The following ARHGEF18 variants were observed in gnomAD, a reference collection of about 807,000 sequenced individuals.
ARHGEF18 encodes rho guanine nucleotide exchange factor 18.
Under a neutral mutation model 155.7 loss-of-function variants are expected in ARHGEF18, and 93 were observed. That is an observed-to-expected ratio of 0.60 (90% CI 0.50 to 0.71). ARHGEF18 has a LOEUF of 0.71. ARHGEF18 is among the 30% of genes least tolerant of loss of function. The probability of loss-of-function intolerance (pLI) is 0.00; values close to 1 mark genes in which losing one functional copy is unlikely to be tolerated. For synonymous variants in ARHGEF18, 742 were observed against 753.1 expected (o/e 0.99, Z 0.24); for missense variants, 1,593 against 1,816.1 (o/e 0.88, Z 2.23).
chr19:7,418,934 G>C lies in ARHGEF18; in HGVS notation c.968-21410G>C, dbSNP rs374231996. On this transcript the variant is annotated intron_variant, in intron 10 of 28. Transcript: ENST00000668164. The stretch of plus-strand genomic sequence containing the variant: ...TCAGTAAGCACCAGGGAATGGAAGG[G>C]CCTCTCCCTTCATTTCTGCATTGCA... Among the ~76,000 whole-genome samples, 8 of 152,016 alleles carry C rather than the reference G, an allele frequency of 5.3e-5. No homozygotes were observed. The East Asian group carries it at 1.4e-3, about 26-fold the overall frequency.
intron 10 of ARHGEF18, among the ~76,000 whole-genome samples, chr19:7,427,553 G>A (rs907746082): frequency 4.6e-5 from 7 of 151,876 alleles, no homozygotes; most frequent in Middle Eastern, 6.8e-3. Context: ...GTTGAGGTGG[G>A]AGGATCACTG....
intron 1 of ARHGEF18, among the ~76,000 whole-genome samples, chr19:7,358,920 A>G (rs1467691674): frequency 3.3e-5 from 5 of 152,208 alleles, no homozygotes; most frequent in Non-Finnish European, 4.4e-5. Flanking sequence ...AGTGGATCAG[A>G]TATAGTCACT....
rs554632893 is a variant in ARHGEF18 at position 7,429,448 on chromosome 19, C to G, written c.968-10896C>G. ...TGAAACCTCATCTCTACTAAAAATA[C>G]CAAAATTACCTAGGTGTGGTGGCAG... is the stretch of plus-strand genomic sequence containing the variant. On this transcript the variant is annotated intron_variant, in intron 10 of 28. Coordinates refer to ENST00000668164, the MANE Select transcript of ARHGEF18 (RefSeq NM_001367823.1). Among the ~76,000 whole-genome samples the G allele has an allele frequency of 2.0e-5, 3 of 152,028 alleles. No individual in the cohort carries two copies. The South Asian group carries it at 6.2e-4, about 32-fold the overall frequency.
chr19:7,415,576 A>ACCTCCTGGAATAAGACATTC (rs1972957209), intron 10 of ARHGEF18, among the ~76,000 whole-genome samples: 1 of 151,586 alleles, frequency 6.6e-6, no homozygotes, highest in Non-Finnish European at 1.5e-5. Context: ...CCATGGCAGA[A>ACCTCCTGGAATAAGACATTC]CCTCCTGGAA....
intron 1 of ARHGEF18, among the ~76,000 whole-genome samples, chr19:7,356,020 G>T (rs1969287536): frequency 6.6e-6 from 1 of 152,084 alleles, no homozygotes; most frequent in South Asian, 2.1e-4. Flanking sequence ...TCTCCTGGGG[G>T]TCCCAGATGC....
intron 10 of ARHGEF18, among the ~76,000 whole-genome samples, chr19:7,400,152 G>A (rs1971957489): frequency 2.0e-5 from 3 of 152,094 alleles, no homozygotes; most frequent in Admixed American, 2.0e-4. Context: ...ACACATTGTG[G>A]ATGGTGGATG....
chr19:7,470,255 G>A lies in ARHGEF18; in HGVS notation c.4043G>A (p.Ser1348Asn). ...TCGCCACTGCCGGCCACACCACTCA[G>A]CGCCAAGGAGGACGCCAGCAAAGAA... The part of the protein sequence containing the change: ...APSPLPATPL[S>N]AKEDASKEDV... Residue 1348 changes from serine (S) to asparagine (N), a missense_variant, in exon 29 of 29, where the codon AGC becomes AAC. By Grantham distance (46) the Ser-to-Asn change is conservative. Transcript: ENST00000668164. This position sits in a 1 kb window ranked among gnomAD's most constrained non-coding sequence, Gnocchi z 5.9. 6.3e-7 allele frequency: 1 copy of A among 1,577,700 alleles called. No homozygotes were observed. The highest frequency in any genetic ancestry group is 8.6e-7 in the Non-Finnish European group (1 of 1,164,588).
At chr19:7,452,518 T>C (rs1975550839) in intron 16 of ARHGEF18, among the ~76,000 whole-genome samples, 2 of 151,972 alleles carry the variant, frequency 1.3e-5, no homozygotes, top group South Asian at 4.2e-4. Flanking sequence ...CAGGCTAGAG[T>C]ACAGTGGCAT....
intron 10 of ARHGEF18, among the ~76,000 whole-genome samples, chr19:7,425,366 A>G (rs1266831540): frequency 6.6e-6 from 1 of 152,198 alleles, no homozygotes; most frequent in Non-Finnish European, 1.5e-5. Flanking sequence ...CCCCACAAAA[A>G]AAACAAACTT....
intron 1 of ARHGEF18, among the ~76,000 whole-genome samples, chr19:7,350,516 G>A (rs548639478): frequency 1.3e-5 from 2 of 152,264 alleles, no homozygotes; most frequent in East Asian, 3.9e-4. Context: ...CCAGTAGATG[G>A]CAACTGCAAA....
intron 23 of ARHGEF18, among the ~76,000 whole-genome samples, chr19:7,465,603 C>T (rs1008351051): frequency 1.3e-5 from 2 of 151,814 alleles, no homozygotes; most frequent in Admixed American, 1.3e-4. Flanking sequence ...GATACAGGGT[C>T]TCACTATGTT....
At chr19:7,414,647 A>G (rs1972890348) in intron 10 of ARHGEF18, among the ~76,000 whole-genome samples, 1 of 151,720 alleles carries the variant, frequency 6.6e-6, no homozygotes, top group Non-Finnish European at 1.5e-5. Flanking sequence ...CGTCTCTACT[A>G]AAAATACAAA....
chr19:7,382,701 C>A, intron 8 of ARHGEF18, 91 bp from the exon 9 acceptor site: 2 of 873,600 alleles, frequency 2.3e-6, no homozygotes, highest in African/African-American at 1.7e-5. Context: ...CACAGGGAGA[C>A]AGGTTGCAGG....
At position 7,451,222 on chromosome 19, in the gene ARHGEF18, C is replaced by G. The variant is rs1405829865; in HGVS notation, c.1811C>G (p.Thr604Ser). ...ECILLVTQRI[T>S]KYPVLVERII... ...ATTCTCCTGGTTACACAACGCATAACCAAATACCCAGTGCTGGTGGAGCGC... is the reference window on the plus strand; with the variant it reads ...ATTCTCCTGGTTACACAACGCATAAGCAAATACCCAGTGCTGGTGGAGCGC... Residue 604 changes from threonine (T) to serine (S), a missense_variant, in exon 16 of 29, where the codon ACC becomes AGC. By Grantham distance (58) the Thr-to-Ser change is moderately conservative (BLOSUM62 1). Transcript: ENST00000668164. 1.2e-6 allele frequency: 2 copies of G among 1,602,922 alleles called. No individual in the cohort carries two copies. The highest frequency in any genetic ancestry group is 2.2e-5 in the East Asian group (1 of 44,472).
At chr19:7,451,022 T>TCTTGCTTTCCATTTCCCAGATGTTAATGC (rs1975409519) in intron 15 of ARHGEF18, 127 bp from the exon 16 acceptor site, 1 of 455,502 alleles carries the variant, frequency 2.2e-6, no homozygotes, top group African/African-American at 8.8e-5. Context: ...GATGTTAATA[T>TCTTGCTTTCCATTTCCCAGATGTTAATGC]GGGATCTTGC....
chr19:7,353,592 AAAAAAAAAAAGAAAAAGAAAAG>A (rs1291459111), intron 1 of ARHGEF18, among the ~76,000 whole-genome samples: 3 of 141,676 alleles, frequency 2.1e-5, no homozygotes, highest in Non-Finnish European at 4.5e-5. Flanking sequence ...CTCCATCTCA[AAAAAAAAAAAGAAAAAGAAAAG>A]AAAAGAAAAA....
intron 13 of ARHGEF18, among the ~76,000 whole-genome samples, chr19:7,443,055 A>ATTTT (rs10600280): frequency 4.9e-5 from 4 of 81,190 alleles, no homozygotes; most frequent in Admixed American, 1.4e-4. Context: ...TGCCCAGCTA[A>ATTTT]TTTTTTTTTT....
At chr19:7,372,561 A>C (rs1417633817) in intron 2 of ARHGEF18, among the ~76,000 whole-genome samples, 1 of 152,062 alleles carries the variant, frequency 6.6e-6, no homozygotes, top group Non-Finnish European at 1.5e-5. Context: ...GGAATCTGGC[A>C]TGGAAGACCA....
chr19:7,379,108 C>T lies in ARHGEF18; in HGVS notation c.600-14C>T. 3.2e-6 allele frequency: 4 copies of T among 1,232,426 alleles called. No individual in the cohort carries two copies. Among genetic ancestry groups the T allele is most frequent in the Non-Finnish European group, 4.0e-6 (4 of 988,246 alleles). 76.3% of individuals were successfully genotyped at this position (1,232,426 alleles called of 1,614,324 possible). On this transcript the variant is annotated splice_polypyrimidine_tract_variant and intron_variant, in intron 6 of 28. Coordinates refer to ENST00000668164, the MANE Select transcript of ARHGEF18 (RefSeq NM_001367823.1). ...CTACCATGGGCTGTTCTAATCCCACCTCCACCCCCACAGGCTGATTGTCCA... is the reference window on the plus strand; with the variant it reads ...CTACCATGGGCTGTTCTAATCCCACTTCCACCCCCACAGGCTGATTGTCCA...
Sources: allele counts gnomAD v4.1 joint callset (sites outside exome capture counted in the v4.1 genomes callset), GRCh38; gene constraint gnomAD v4.1.1; non-coding constraint Gnocchi (gnomAD v3.1); transcripts MANE v1.5; gene names NCBI Gene and HGNC (gene_info 2026-07-23, HGNC 2026-07-21).